Variants in GSE1 observed in about 807,000 individuals in gnomAD.
GSE1 encodes genetic suppressor element 1.
In GSE1, 32 loss-of-function variants were observed where a neutral mutation model predicts 112.6. The observed-to-expected ratio is 0.28, with a 90% CI of 0.21 to 0.38. The LOEUF is 0.38. GSE1 is among the 10% of genes least tolerant of loss of function. The probability of loss-of-function intolerance (pLI) is 1.00; values close to 1 mark genes in which losing one functional copy is unlikely to be tolerated. For missense variants in GSE1, 2,348 were observed against 1,699.2 expected (o/e 1.38, Z -6.71); for synonymous variants, 1,115 against 735.6 (o/e 1.52, Z -8.35).
chr16:85,226,760 TGTGTGTGTGTG>T (rs1253818099), intron 1 of GSE1, among the ~76,000 whole-genome samples: 16 of 3,320 alleles, frequency 4.8e-3, no homozygotes, highest in African/African-American at 0.011. Flanking sequence ...CCTGGACTGG[TGTGTGTGTGTG>T]TGTGTGTGTG....
Position 85,665,015 on chromosome 16 carries a change from A to G in GSE1, c.2645A>G (p.Asp882Gly). ...LTHISAEKRKDKERLVEMLRA... is the reference protein window; with the variant it reads ...LTHISAEKRKGKERLVEMLRA... Reference sequence around the variant, plus strand: ...TAATCTCAGGCTGCTTTTCTCATAGACAAAGAGAGACTTGTTGAAATGCTC... The same window carrying G: ...TAATCTCAGGCTGCTTTTCTCATAGGCAAAGAGAGACTTGTTGAAATGCTC... The change falls in exon 12 of 16, where the codon GAC becomes GGC. Residue 882 changes from aspartate to glycine, a missense_variant and splice_region_variant. Physicochemically the swap from Asp to Gly is moderately conservative, Grantham distance 94. Coordinates refer to ENST00000253458, the MANE Select transcript of GSE1 (RefSeq NM_014615.5). The G allele has an allele frequency of 1.3e-6, 2 of 1,588,736 alleles. No homozygotes were observed. Among genetic ancestry groups the G allele is most frequent in the East Asian group, 4.5e-5 (2 of 44,770 alleles).
At chr16:85,368,898 C>T (rs892351951) in intron 2 of GSE1, among the ~76,000 whole-genome samples, 5 of 152,082 alleles carry the variant, frequency 3.3e-5, no homozygotes, top group African/African-American at 7.2e-5. Flanking sequence ...GGGAGGGCTG[C>T]GGGCTCCCTG....
At chr16:85,416,335 C>G (rs1160175477) in intron 2 of GSE1, among the ~76,000 whole-genome samples, 1 of 152,092 alleles carries the variant, frequency 6.6e-6, no homozygotes, top group Non-Finnish European at 1.5e-5. Context: ...CGCCTAATTT[C>G]TCAAGGTTGA....
chr16:85,538,423 G>C (rs964789038), intron 2 of GSE1, among the ~76,000 whole-genome samples: 3 of 152,192 alleles, frequency 2.0e-5, no homozygotes, highest in Non-Finnish European at 2.9e-5. Flanking sequence ...TTACAAGTGT[G>C]GGGGTACTGG....
chr16:85,462,703 G>GGGAGGGA (rs1421739162), intron 2 of GSE1, among the ~76,000 whole-genome samples: 1 of 112,164 alleles, frequency 8.9e-6, no homozygotes, highest in African/African-American at 3.4e-5. Context: ...GCCGCGGCGC[G>GGGAGGGA]GGAGGGAGGC....
chr16:85,504,811 G>T (rs1434974150), intron 2 of GSE1, among the ~76,000 whole-genome samples: 1 of 152,170 alleles, frequency 6.6e-6, no homozygotes, highest in Non-Finnish European at 1.5e-5. Flanking sequence ...CAGAGCTAGG[G>T]TGGATGGGGG....
At position 85,373,189 on chromosome 16, in the gene GSE1, GGGTGCCAGGCGCCT is replaced by G. The variant is rs1412763334; in HGVS notation, c.2464+15550_2464+15563del. Among the ~76,000 whole-genome samples the G allele has an allele frequency of 2.0e-5, 3 of 152,232 alleles. No individual in the cohort carries two copies. Among genetic ancestry groups the G allele is most frequent in the Non-Finnish European group, 4.4e-5 (3 of 68,034 alleles). ...ATGCCGGCTCCTTGTCCACCAGGGT[GGGTGCCAGGCGCCT>G]GGTAGCAGGCCCAGCTGCCTCGAGG... is the stretch of plus-strand genomic sequence containing the variant. On this transcript the variant is annotated intron_variant, in intron 2 of 2. Coordinates refer to the GSE1 transcript ENST00000637419. This position sits in a 1 kb window ranked among gnomAD's most constrained non-coding sequence, Gnocchi z 5.1.
chr16:85,529,440 A>G (rs2052473729), intron 2 of GSE1, among the ~76,000 whole-genome samples: 1 of 152,186 alleles, frequency 6.6e-6, no homozygotes, highest in African/African-American at 2.4e-5. Context: ...ATTAAAAACA[A>G]AGAAATTTCT....
At position 85,175,491 on chromosome 16, in the gene GSE1, C is replaced by T. The variant is rs1322454956; in HGVS notation, c.2283+3684C>T. The stretch of plus-strand genomic sequence containing the variant: ...GGTAAGACTCTTGCCCTGTCTGGGC[C>T]TTGGAACCGAGTGAGCCGGCCTGGG... On this transcript the variant is annotated intron_variant, in intron 1 of 2. Transcript: ENST00000637419. 3.3e-5 allele frequency among the ~76,000 whole-genome samples: 5 copies of T among 152,372 alleles called. No individual in the cohort carries two copies. The East Asian group carries it at 9.6e-4, about 29-fold the overall frequency.
intron 1 of GSE1, among the ~76,000 whole-genome samples, chr16:85,335,862 C>G (rs529821000): frequency 1.6e-4 from 25 of 152,300 alleles, no homozygotes; most frequent in Middle Eastern, 3.4e-3. Flanking sequence ...ACCCTTCAGA[C>G]CTGACGTCCA....
In GSE1 at chr16:85,494,561, G is replaced by A. The variant is rs1232779343; in HGVS notation, c.2464+136918G>A. 4.0e-5 allele frequency among the ~76,000 whole-genome samples: 6 copies of A among 149,954 alleles called. No individual in the cohort carries two copies. The East Asian group carries it at 9.7e-4, about 24-fold the overall frequency. On this transcript the variant is annotated intron_variant, in intron 2 of 2. Coordinates refer to the GSE1 transcript ENST00000637419. ...TCCACTTCCAGGCATGCCCCACCAC[G>A]CCCAGCTAATTTTTTGTATTTTTGT...
chr16:85,196,790 G>A (rs919303404), intron 1 of GSE1, among the ~76,000 whole-genome samples: 2 of 152,188 alleles, frequency 1.3e-5, no homozygotes, highest in African/African-American at 2.4e-5. Flanking sequence ...CGGGGCGGGG[G>A]GGCCTGCCGG....
intron 1 of GSE1, among the ~76,000 whole-genome samples, chr16:85,219,310 G>A (rs965480398): frequency 2.0e-5 from 3 of 152,214 alleles, no homozygotes; most frequent in Admixed American, 6.5e-5. Context: ...CACCGTGCCC[G>A]GCCAAAAGGA....
chr16:85,643,898 G>A (rs141467371), intron 2 of GSE1, among the ~76,000 whole-genome samples: 28 of 152,180 alleles, frequency 1.8e-4, no homozygotes, highest in South Asian at 1.7e-3. Context: ...GTGGGGTGGC[G>A]GCTCTCGGTG....
Position 85,638,831 on chromosome 16 carries a change from G to A in GSE1, c.226+4699G>A, listed in dbSNP as rs1322815210. Among the ~76,000 whole-genome samples, 6 of 147,500 alleles carry A rather than the reference G, an allele frequency of 4.1e-5. No homozygotes were observed. In the South Asian group the frequency reaches 6.9e-4, roughly 17 times the overall value. On this transcript the variant is annotated intron_variant, in intron 2 of 15. Transcript: ENST00000253458. ...GCCCTGGGAGGGCGTGTGCTTCCCC[G>A]GTGGGGTTGGAAGGTGTGGGTCCGC...
At chr16:85,341,750 C>G (rs530807481) in intron 1 of GSE1, among the ~76,000 whole-genome samples, 237 of 152,298 alleles carry the variant, frequency 1.6e-3, no homozygotes, top group Middle Eastern at 3.4e-3. Context: ...TCCTCCTGCC[C>G]TGGCCCCCCA....
chr16:85,359,027 C>T (rs910687060), intron 2 of GSE1, among the ~76,000 whole-genome samples: 2 of 152,152 alleles, frequency 1.3e-5, no homozygotes, highest in Non-Finnish European at 2.9e-5. Flanking sequence ...TCAGCCAGGA[C>T]CCGAGCGTGT....
intron 1 of GSE1, among the ~76,000 whole-genome samples, chr16:85,234,753 G>A (rs973397395): frequency 1.3e-5 from 2 of 152,228 alleles, no homozygotes; most frequent in East Asian, 1.9e-4. Flanking sequence ...CCCCGGCTCC[G>A]CCCCCGCAGC....
intron 1 of GSE1, among the ~76,000 whole-genome samples, chr16:85,217,928 G>A (rs1289183212): frequency 3.3e-5 from 5 of 151,830 alleles, no homozygotes; most frequent in Non-Finnish European, 7.4e-5. Flanking sequence ...TTGAAACAGA[G>A]TCTTGTTCTG....
Sources: gnomAD v4.1 joint callset for allele counts (sites outside exome capture counted in the v4.1 genomes callset) on GRCh38, gnomAD v4.1.1 for gene constraint, Gnocchi (gnomAD v3.1) non-coding constraint, MANE v1.5 for transcripts, NCBI Gene and HGNC (gene_info 2026-07-23, HGNC 2026-07-21) for gene names.